Variants in ERN1 observed in about 807,000 individuals in gnomAD.
ERN1 encodes the protein serine/threonine-protein kinase/endoribonuclease IRE1.
Under a neutral mutation model 113.1 loss-of-function variants are expected in ERN1, and 39 were observed. The observed-to-expected ratio is 0.34, with a 90% CI of 0.27 to 0.45. The LOEUF (loss-of-function observed/expected upper bound fraction) is 0.45. ERN1 is among the 20% of genes least tolerant of loss of function. The pLI is 1.00. For missense variants in ERN1, 976 were observed against 1,274.8 expected (o/e 0.77, Z 3.57); for synonymous variants, 507 against 515.9 (o/e 0.98, Z 0.23).
intron 5 of ERN1, among the ~76,000 whole-genome samples, chr17:64,073,335 A>ATTTTTT (rs201213734): frequency 7.4e-6 from 1 of 135,080 alleles, no homozygotes; most frequent in African/African-American, 2.9e-5. Context: ...CACCCAGCAA[A>ATTTTTT]TTTTTTTTTT....
At chr17:64,108,168 T>C (rs987219431) in intron 1 of ERN1, among the ~76,000 whole-genome samples, 1 of 151,968 alleles carries the variant, frequency 6.6e-6, no homozygotes, top group African/African-American at 2.4e-5. Flanking sequence ...GGACTCTTCT[T>C]CAGTTTAGGC....
At chr17:64,105,086 A>C (rs922297152) in intron 1 of ERN1, among the ~76,000 whole-genome samples, 1 of 152,118 alleles carries the variant, frequency 6.6e-6, no homozygotes, top group South Asian at 2.1e-4. Flanking sequence ...ATGTAAATGG[A>C]TCAAGTCCAA....
rs776891013 is a variant in ERN1 at position 64,054,316 on chromosome 17, G to A, written c.1887C>T (p.Phe629=). The change falls in exon 15 of 22, where the codon TTC becomes TTT. Residue 629 remains phenylalanine (F), a synonymous_variant. Coordinates refer to ENST00000433197, the MANE Select transcript of ERN1 (RefSeq NM_001433.5). The surrounding 1 kb of genome is among the most constrained non-coding windows in gnomAD (Gnocchi z 4.9). ...SDEHPNVIRY[F]CTEKDRQFQY... ...GGAATTGCCGGTCCTTCTCCGTGCAGAAGTAGCGGATCACGTTCGGGTGCT... is the reference window on the plus strand; with the variant it reads ...GGAATTGCCGGTCCTTCTCCGTGCAAAAGTAGCGGATCACGTTCGGGTGCT... 1.9e-6 allele frequency: 3 copies of A among 1,613,840 alleles called. No homozygotes were observed. Among genetic ancestry groups the A allele is most frequent in the African/African-American group, 2.7e-5 (2 of 75,070 alleles).
chr17:64,083,170 T>C lies in ERN1; in HGVS notation c.176-2362A>G, dbSNP rs151133699. Among the ~76,000 whole-genome samples, 12 of 152,276 alleles carry C rather than the reference T, an allele frequency of 7.9e-5. No homozygotes were observed. In the East Asian group the frequency reaches 2.3e-3, roughly 29 times the overall value. The stretch of plus-strand genomic sequence containing the variant: ...AGATAAAACAAGAAGTGGCAGGCTG[T>C]TGATAACAGTTAAAGATGAGACACG... On this transcript the variant is annotated intron_variant, in intron 2 of 21. Transcript: ENST00000433197.
chr17:64,066,572 G>T, intron 8 of ERN1, 99 bp downstream of exon 8: 1 of 1,414,218 alleles, frequency 7.1e-7, no homozygotes, highest in East Asian at 2.4e-5. Flanking sequence ...TTCAGAGACT[G>T]CCCTGTCTTT....
chr17:64,068,021 C>T (rs1235072055), intron 7 of ERN1, 169 bp downstream of exon 7: 16 of 575,810 alleles, frequency 2.8e-5, no homozygotes, highest in South Asian at 2.7e-4. Context: ...AAGGCCCCTG[C>T]ACATTGACTG....
intron 1 of ERN1, among the ~76,000 whole-genome samples, chr17:64,106,355 T>C (rs1215077569): frequency 1.3e-5 from 2 of 152,210 alleles, no homozygotes; most frequent in South Asian, 2.1e-4. Context: ...TGTTGCTAAA[T>C]GTAGAATAAT....
intron 2 of ERN1, among the ~76,000 whole-genome samples, chr17:64,091,103 G>T (rs1047592572): frequency 6.6e-6 from 1 of 152,156 alleles, no homozygotes; most frequent in Admixed American, 6.5e-5. Flanking sequence ...AAAAGTCCTT[G>T]AGAGAAAACA....
At chr17:64,088,577 C>T (rs1913998470) in intron 2 of ERN1, among the ~76,000 whole-genome samples, 2 of 152,342 alleles carry the variant, frequency 1.3e-5, no homozygotes, top group East Asian at 1.9e-4. Context: ...CTACTAGTAA[C>T]TTTCTGTTGA....
intron 6 of ERN1, 22 bp from the exon 7 acceptor site, chr17:64,068,313 G>A (rs1307822629): frequency 7.8e-6 from 12 of 1,543,168 alleles, no homozygotes. Flanking sequence ...AGACCAGCCA[G>A]CCCATTACCA....
At chr17:64,101,122 G>A (rs9910216) in intron 1 of ERN1, among the ~76,000 whole-genome samples, 49,065 of 151,966 alleles carry the variant, frequency 0.32, 13,719 homozygotes, top group African/African-American at 0.76. Flanking sequence ...GGGAAAAAAA[G>A]GGCCAGGCGT....
intron 4 of ERN1, among the ~76,000 whole-genome samples, chr17:64,075,780 T>C (rs1168365579): frequency 6.6e-6 from 1 of 152,208 alleles, no homozygotes; most frequent in Non-Finnish European, 1.5e-5. Context: ...TTCTTTGAAA[T>C]GCTAAGAAAG....
intron 1 of ERN1, among the ~76,000 whole-genome samples, chr17:64,120,592 T>C (rs1914930243): frequency 6.6e-6 from 1 of 152,302 alleles, no homozygotes; most frequent in Non-Finnish European, 1.5e-5. Context: ...CCAAGGTTCA[T>C]TTTTTTAACA....
intron 1 of ERN1, among the ~76,000 whole-genome samples, chr17:64,115,337 C>T (rs567591152): frequency 4.7e-4 from 71 of 152,326 alleles, no homozygotes; most frequent in Admixed American, 3.9e-3. Context: ...TGCCCCTAAG[C>T]TGGACTCTTA....
chr17:64,070,003 C>T (rs188346112), intron 6 of ERN1, among the ~76,000 whole-genome samples: 16 of 152,134 alleles, frequency 1.1e-4, no homozygotes, highest in Non-Finnish European at 1.5e-4. Flanking sequence ...ATCAAGAAGC[C>T]GAGTCTATAT....
At chr17:64,068,380 T>G in intron 6 of ERN1, 89 bp from the exon 7 acceptor site, 1 of 938,916 alleles carries the variant, frequency 1.1e-6, no homozygotes, top group East Asian at 2.6e-5. Flanking sequence ...AACAAACAAA[T>G]CCTCCCTAAA....
chr17:64,043,881 T>G lies in ERN1; in HGVS notation c.*107A>C. 2.6e-6 allele frequency: 2 copies of G among 774,372 alleles called. No individual in the cohort carries two copies. The highest frequency in any genetic ancestry group is 4.2e-6 in the Non-Finnish European group (2 of 474,586). 48.0% of individuals were successfully genotyped at this position (774,372 alleles called of 1,614,324 possible). A position where few individuals can be genotyped will look rare whatever the true frequency, so the allele number is the denominator to read the frequency against. Reference sequence around the variant, plus strand: ...GAGCAGGCAGCTCAAGGCACTTGGTTTGGGAAGCCTGGTCTCCCTGCAAAG... The same window carrying G: ...GAGCAGGCAGCTCAAGGCACTTGGTGTGGGAAGCCTGGTCTCCCTGCAAAG... On this transcript the variant is annotated 3_prime_UTR_variant, in exon 22 of 22. Coordinates refer to ENST00000433197, the MANE Select transcript of ERN1 (RefSeq NM_001433.5).
At chr17:64,105,122 TTTC>T (rs1362647079) in intron 1 of ERN1, among the ~76,000 whole-genome samples, 1 of 152,182 alleles carries the variant, frequency 6.6e-6, no homozygotes. Context: ...CTCTCTCTTT[TTTC>T]TTCTTTTTTC....
rs927584232 is a variant in ERN1 at position 64,047,767 on chromosome 17, C to T, written c.2529+91G>A. The T allele has an allele frequency of 1.6e-5, 19 of 1,207,624 alleles. No homozygotes were observed. The Admixed American group carries it at 4.7e-4, about 30-fold the overall frequency. 74.8% of individuals were successfully genotyped at this position (1,207,624 alleles called of 1,614,324 possible). ...TATCTTCCAGTTTTAGGGTAATGGG[C>T]AATTTATTTTATTCTTTGTCCTTTT... On this transcript the variant is annotated intron_variant, in intron 19 of 21. Coordinates refer to ENST00000433197, the MANE Select transcript of ERN1 (RefSeq NM_001433.5).
Sources: gnomAD v4.1 joint callset for allele counts (sites outside exome capture counted in the v4.1 genomes callset) on GRCh38, gnomAD v4.1.1 for gene constraint, Gnocchi (gnomAD v3.1) non-coding constraint, MANE v1.5 for transcripts, NCBI Gene and HGNC (gene_info 2026-07-23, HGNC 2026-07-21) for gene names.